TET3: variants seen among roughly 807,000 people sequenced by gnomAD.
The protein encoded by TET3 is tet methylcytosine dioxygenase 3.
A neutral mutation model predicts 141.4 loss-of-function variants in TET3; 19 were observed. The ratio of observed to expected loss-of-function variants is 0.13; its 90% CI spans 0.09 to 0.20. The LOEUF is 0.20. Among genes scored for constraint, TET3 ranks in the 10% least tolerant of loss-of-function variants. The pLI, the probability that TET3 is intolerant of heterozygous loss-of-function variation, is 1.00. For missense variants in TET3, 1,874 were observed against 2,356.9 expected (o/e 0.80, Z 4.24); for synonymous variants, 1,043 against 980.9 (o/e 1.06, Z -1.18).
intron 6 of TET3, among the ~76,000 whole-genome samples, chr2:74,083,653 C>T (rs1027975434): frequency 6.6e-6 from 1 of 152,186 alleles, no homozygotes; most frequent in African/African-American, 2.4e-5. Flanking sequence ...TGCCAGGCTC[C>T]TTCATACGAG....
intron 2 of TET3, among the ~76,000 whole-genome samples, chr2:73,991,943 A>AG (rs1189300748): frequency 6.6e-6 from 1 of 151,734 alleles, no homozygotes; most frequent in Non-Finnish European, 1.5e-5. Flanking sequence ...CTAGTGAGTG[A>AG]GGGGGTAAAA....
chr2:74,087,792 T>C lies in TET3; in HGVS notation c.2680-38T>C, dbSNP rs1204502604. ...GTGGCACCATGCAGAGGAGCACGGGTACCTGGCTCCTGCCCCTCACACCCT... is the reference window on the plus strand; with the variant it reads ...GTGGCACCATGCAGAGGAGCACGGGCACCTGGCTCCTGCCCCTCACACCCT... On this transcript the variant is annotated intron_variant, in intron 6 of 11. Coordinates refer to ENST00000409262, the MANE Select transcript of TET3 (RefSeq NM_001287491.2). The surrounding 1 kb of genome is among the most constrained non-coding windows in gnomAD (Gnocchi z 4.3). 5.3e-6 allele frequency: 8 copies of C among 1,516,168 alleles called. No homozygotes were observed. Among genetic ancestry groups the C allele is most frequent in the Non-Finnish European group, 7.1e-6 (8 of 1,125,638 alleles). The allele number at this position is 1,516,168 out of a possible 1,614,324, so 93.9% of individuals were successfully genotyped here. A position where few individuals can be genotyped will look rare whatever the true frequency, so the allele number is the denominator to read the frequency against.
At chr2:74,021,563 G>A (rs766578336) in intron 3 of TET3, among the ~76,000 whole-genome samples, 2 of 152,242 alleles carry the variant, frequency 1.3e-5, no homozygotes, top group East Asian at 3.9e-4. Flanking sequence ...TGAACCAGCC[G>A]AGGCCTTCCC....
intron 3 of TET3, among the ~76,000 whole-genome samples, chr2:74,036,785 C>G (rs181904674): frequency 6.6e-6 from 1 of 152,164 alleles, no homozygotes; most frequent in Non-Finnish European, 1.5e-5. Context: ...CTTTCTTCCT[C>G]GAACCCACAT....
At chr2:74,112,468 A>G (rs868454795), downstream of TET3, among the ~76,000 whole-genome samples, 3 of 151,662 alleles carry the variant, frequency 2.0e-5, no homozygotes, top group Non-Finnish European at 4.4e-5. Context: ...AATAAGAACC[A>G]AAACATCAGC....
intron 4 of TET3, among the ~76,000 whole-genome samples, chr2:74,059,794 A>G (rs1688407388): frequency 6.6e-6 from 1 of 152,142 alleles, no homozygotes; most frequent in South Asian, 2.1e-4. Flanking sequence ...GCATGCTGGG[A>G]TTGCAGGTGT....
chr2:74,092,346 T>G (rs997424979), intron 8 of TET3, among the ~76,000 whole-genome samples: 5 of 152,050 alleles, frequency 3.3e-5, no homozygotes, highest in South Asian at 2.1e-4. Context: ...TGTAGCTTCA[T>G]GTGGTTTGTG....
At position 73,986,078 on chromosome 2, in the gene TET3, C is replaced by T. The variant is rs1260506852; in HGVS notation, c.-326C>T. Reference sequence around the variant, plus strand: ...CCACCACACCCCTACCTGCTCAACTCATGCCTGGGTCCAGGGTGGGTGAGG... The same window carrying T: ...CCACCACACCCCTACCTGCTCAACTTATGCCTGGGTCCAGGGTGGGTGAGG... On this transcript the variant is annotated 5_prime_UTR_variant, in exon 2 of 12. Transcript: ENST00000409262. 3.9e-5 allele frequency: 9 copies of T among 229,404 alleles called. No individual in the cohort carries two copies. Among genetic ancestry groups the T allele is most frequent in the Non-Finnish European group, 7.6e-5 (9 of 119,146 alleles). The allele number at this position is 229,404 out of a possible 1,614,324, so 14.2% of individuals were successfully genotyped here.
chr2:73,991,730 A>T (rs1684333868), intron 2 of TET3, among the ~76,000 whole-genome samples: 2 of 147,702 alleles, frequency 1.4e-5, no homozygotes, highest in Non-Finnish European at 3.0e-5. Flanking sequence ...CCTTGAACCC[A>T]GGAGGCAGAG....
rs1691489543 is a variant in TET3 at position 74,106,137 on chromosome 2, T to C, written c.*3961T>C. 6.6e-6 allele frequency: 1 copy of C among 151,974 alleles called. No homozygotes were observed. Among genetic ancestry groups the C allele is most frequent in the Non-Finnish European group, 1.5e-5 (1 of 67,976 alleles). 9.4% of individuals were successfully genotyped at this position (151,974 alleles called of 1,614,324 possible). ...TCTTTTGGTGCTGTCTTAGACCCGT[T>C]TACCGTGCTATAATCTGCTCTGAGC... On this transcript the variant is annotated 3_prime_UTR_variant, in exon 12 of 12. Transcript: ENST00000409262.
chr2:73,993,943 C>A (rs757229657), intron 2 of TET3, among the ~76,000 whole-genome samples: 31 of 152,024 alleles, frequency 2.0e-4, no homozygotes, highest in Admixed American at 2.0e-4. Context: ...TCGATGTGTG[C>A]CCTTTTCACA....
Position 73,986,276 on chromosome 2 carries a change from C to A in TET3, c.-128C>A. The A allele has an allele frequency of 1.2e-6, 1 of 818,022 alleles. No homozygotes were observed. The highest frequency in any genetic ancestry group is 1.6e-6 in the Non-Finnish European group (1 of 610,850). 50.7% of individuals were successfully genotyped at this position (818,022 alleles called of 1,614,324 possible). ...GAGGCATCCATCCACGAGACTGAAGCCACTTGCCTTCACCCTTGTAGACTC... is the reference window on the plus strand; with the variant it reads ...GAGGCATCCATCCACGAGACTGAAGACACTTGCCTTCACCCTTGTAGACTC... On this transcript the variant is annotated 5_prime_UTR_variant, in exon 2 of 12. Transcript: ENST00000409262.
chr2:74,132,169 T>C, the TET3 span, among the ~76,000 whole-genome samples: 1 of 152,126 alleles, frequency 6.6e-6, no homozygotes, highest in African/African-American at 2.4e-5. Context: ...TAACGCCTTC[T>C]CTCTCCACTT....
chr2:74,019,039 G>GC (rs1685887411), intron 3 of TET3, among the ~76,000 whole-genome samples: 1 of 152,104 alleles, frequency 6.6e-6, no homozygotes, highest in Admixed American at 6.6e-5. Context: ...CTGAAGCCAG[G>GC]AGTTTGAGAT....
At chr2:73,995,838 C>G (rs1684564417) in intron 2 of TET3, among the ~76,000 whole-genome samples, 1 of 152,178 alleles carries the variant, frequency 6.6e-6, no homozygotes, top group South Asian at 2.1e-4. Flanking sequence ...ATCCCAGCCC[C>G]CACACCCAAG....
chr2:74,064,470 A>G (rs190048198), intron 4 of TET3, among the ~76,000 whole-genome samples: 71 of 152,060 alleles, frequency 4.7e-4, no homozygotes, highest in African/African-American at 1.5e-3. Context: ...TGTGATTCCC[A>G]CTCACTACAA....
the TET3 span, among the ~76,000 whole-genome samples, chr2:74,122,727 T>A: frequency 5.0e-5 from 7 of 139,422 alleles, no homozygotes; most frequent in East Asian, 1.5e-3. Context: ...ACCCAGCTAA[T>A]GTTTTTATTT....
downstream of TET3, among the ~76,000 whole-genome samples, chr2:74,108,893 C>CT (rs1228451520): frequency 6.6e-6 from 1 of 152,200 alleles, no homozygotes; most frequent in Non-Finnish European, 1.5e-5. Context: ...AAGTTCATCT[C>CT]TGAGGGCATC....
At chr2:74,073,866 G>A (rs1689350201) in intron 5 of TET3, 1 of 419,840 alleles carries the variant, frequency 2.4e-6, no homozygotes, top group Admixed American at 4.1e-5. Flanking sequence ...TCTCTGTCTT[G>A]AAATGTTTTT....
Sources: allele counts gnomAD v4.1 joint callset (sites outside exome capture counted in the v4.1 genomes callset), GRCh38; gene constraint gnomAD v4.1.1; non-coding constraint Gnocchi (gnomAD v3.1); transcripts MANE v1.5; gene names NCBI Gene and HGNC (gene_info 2026-07-23, HGNC 2026-07-21).